Variants in HIVEP2 observed in about 807,000 individuals in gnomAD.
The protein encoded by HIVEP2 is transcription factor HIVEP2.
In HIVEP2, 14 loss-of-function variants were observed where a neutral mutation model predicts 180.7. The ratio of observed to expected loss-of-function variants is 0.08; its 90% CI spans 0.05 to 0.12. The LOEUF is 0.12. Among genes scored for constraint, HIVEP2 ranks in the 10% least tolerant of loss-of-function variants. HIVEP2 has a pLI of 1.00. For missense variants in HIVEP2, 2,579 were observed against 3,008.5 expected (o/e 0.86, Z 3.34); for synonymous variants, 1,184 against 1,136.4 (o/e 1.04, Z -0.84).
At chr6:142,779,390 C>T (rs1775784189) in intron 3 of HIVEP2, among the ~76,000 whole-genome samples, 1 of 152,078 alleles carries the variant, frequency 6.6e-6, no homozygotes, top group Non-Finnish European at 1.5e-5. Flanking sequence ...GAGGTGGAGG[C>T]AGGTGGATCG....
intron 6 of HIVEP2, among the ~76,000 whole-genome samples, chr6:142,765,269 T>C (rs1027485596): frequency 6.6e-6 from 1 of 152,208 alleles, no homozygotes; most frequent in Non-Finnish European, 1.5e-5. Flanking sequence ...ATGACTTATG[T>C]AAACCTCAAA....
intron 2 of HIVEP2, among the ~76,000 whole-genome samples, chr6:142,793,663 C>CTTTCTTTCTTTTTTT (rs1776205005): frequency 1.4e-4 from 15 of 109,462 alleles, no homozygotes; most frequent in East Asian, 3.7e-4. Flanking sequence ...TTTCTTTTTT[C>CTTTCTTTCTTTTTTT]TTTCTTTCTT....
chr6:142,915,209 T>A (rs568772366), intron 1 of HIVEP2, among the ~76,000 whole-genome samples: 2 of 152,156 alleles, frequency 1.3e-5, no homozygotes, highest in Non-Finnish European at 2.9e-5. Context: ...AAAAGAAACA[T>A]TGAAGTTCTA....
chr6:142,915,323 A>T (rs1777523629), intron 1 of HIVEP2, among the ~76,000 whole-genome samples: 1 of 152,192 alleles, frequency 6.6e-6, no homozygotes, highest in Non-Finnish European at 1.5e-5. Flanking sequence ...CTTATCCAAC[A>T]TGACAGAAAT....
At chr6:142,861,573 C>T (rs535360681) in intron 1 of HIVEP2, among the ~76,000 whole-genome samples, 24 of 152,228 alleles carry the variant, frequency 1.6e-4, no homozygotes, top group Admixed American at 1.2e-3. Context: ...TTTTCCCATC[C>T]GACTGTTGGT....
intron 1 of HIVEP2, among the ~76,000 whole-genome samples, chr6:142,895,952 T>C (rs1776978285): frequency 6.6e-6 from 1 of 152,186 alleles, no homozygotes; most frequent in Non-Finnish European, 1.5e-5. Flanking sequence ...AACTACCTTA[T>C]TGAACCAATT....
At chr6:142,795,162 A>C (rs964422130) in intron 2 of HIVEP2, among the ~76,000 whole-genome samples, 30 of 152,226 alleles carry the variant, frequency 2.0e-4, no homozygotes, top group African/African-American at 6.8e-4. Flanking sequence ...CAAGGCAACC[A>C]GAAGTTATTT....
At chr6:142,935,662 C>G (rs1562297850) in intron 1 of HIVEP2, among the ~76,000 whole-genome samples, 2 of 152,116 alleles carry the variant, frequency 1.3e-5, no homozygotes, top group South Asian at 4.2e-4. Context: ...CTCATGGCCC[C>G]CATCTTATAG....
intron 2 of HIVEP2, among the ~76,000 whole-genome samples, chr6:142,787,303 C>T (rs1776025206): frequency 6.6e-6 from 1 of 151,762 alleles, no homozygotes; most frequent in African/African-American, 2.4e-5. Context: ...CTTATAAACT[C>T]AATGGAAAAA....
rs1472438871 is a variant in HIVEP2, at chr6:142,753,065, A to C, written c.*42T>G. On this transcript the variant is annotated 3_prime_UTR_variant, in exon 10 of 10. Coordinates refer to ENST00000367603, the MANE Select transcript of HIVEP2 (RefSeq NM_006734.4). The stretch of plus-strand genomic sequence containing the variant: ...CATTTCTAGAAAAACAAAAACAAAA[A>C]AATGGGAAAATGTGGAAATGAAAGT... The C allele has an allele frequency of 7.8e-7, 1 of 1,284,520 alleles. No homozygotes were observed. Among genetic ancestry groups the C allele is most frequent in the Admixed American group, 1.7e-5 (1 of 57,996 alleles). The allele number at this position is 1,284,520 out of a possible 1,614,324, so 79.6% of individuals were successfully genotyped here.
At chr6:142,787,401 A>T (rs1776027250) in intron 2 of HIVEP2, among the ~76,000 whole-genome samples, 1 of 152,148 alleles carries the variant, frequency 6.6e-6, no homozygotes, top group African/African-American at 2.4e-5. Flanking sequence ...AAGAATGAAC[A>T]CTACTCTTCA....
chr6:142,901,982 T>C (rs75383397), intron 1 of HIVEP2, among the ~76,000 whole-genome samples: 13,640 of 152,184 alleles, frequency 0.09, 961 homozygotes, highest in East Asian at 0.24. Flanking sequence ...TAGAAAATAG[T>C]TTATGAGGAA....
At chr6:142,915,775 A>G (rs1777537325) in intron 1 of HIVEP2, among the ~76,000 whole-genome samples, 1 of 151,550 alleles carries the variant, frequency 6.6e-6, no homozygotes, top group African/African-American at 2.4e-5. Flanking sequence ...ATCCACTACA[A>G]CTCAGACACC....
intron 1 of HIVEP2, among the ~76,000 whole-genome samples, chr6:142,866,030 A>AGAG (rs1159641020): frequency 6.6e-6 from 1 of 152,110 alleles, no homozygotes; most frequent in Non-Finnish European, 1.5e-5. Flanking sequence ...CTAGGCTTTG[A>AGAG]GTTCCTCATT....
At chr6:142,880,989 A>AT (rs923415219) in intron 1 of HIVEP2, among the ~76,000 whole-genome samples, 3 of 152,038 alleles carry the variant, frequency 2.0e-5, no homozygotes, top group South Asian at 4.1e-4. Flanking sequence ...ATGAAATGTC[A>AT]TTTTTTTTCC....
chr6:142,921,513 T>G (rs1777683104), intron 1 of HIVEP2, among the ~76,000 whole-genome samples: 1 of 152,190 alleles, frequency 6.6e-6, no homozygotes, highest in Non-Finnish European at 1.5e-5. Flanking sequence ...CCAGCCTTGG[T>G]CATACAATGA....
In HIVEP2 at chr6:142,773,866, A is replaced by G. The variant is rs1371093238; in HGVS notation, c.873T>C (p.Ala291=). The G allele has an allele frequency of 2.5e-6, 4 of 1,613,628 alleles. No homozygotes were observed. Among genetic ancestry groups the G allele is most frequent in the Admixed American group, 3.3e-5 (2 of 60,026 alleles). Residue 291 remains alanine, a synonymous_variant, in exon 5 of 10, where the codon GCT becomes GCC. Transcript: ENST00000367603. Reference sequence around the variant, plus strand: ...GTGGACCAGGACTCATTTTGTCAGAAGCCTCGGCAAATAAAGAACTCTCCT... The same window carrying G: ...GTGGACCAGGACTCATTTTGTCAGAGGCCTCGGCAAATAAAGAACTCTCCT... The part of the protein sequence containing the change: ...TDEESSLFAE[A]SDKMSPGPPI...
Position 142,760,796 on chromosome 6 carries a change from C to G in HIVEP2, c.5621-129G>C, listed in dbSNP as rs367643760. ...GCCCACAGATAGTTATGTCTGAGAA[C>G]TCCTATAAAATGAGGCACTTACCTG... On this transcript the variant is annotated intron_variant, in intron 8 of 9. Transcript: ENST00000367603. 3.6e-5 allele frequency: 24 copies of G among 668,850 alleles called. No individual in the cohort carries two copies. The African/African-American group carries it at 4.4e-4, about 12-fold the overall frequency. 41.4% of individuals were successfully genotyped at this position (668,850 alleles called of 1,614,324 possible).
intron 2 of HIVEP2, among the ~76,000 whole-genome samples, chr6:142,827,857 T>C (rs1191817552): frequency 2.0e-5 from 3 of 152,176 alleles, no homozygotes; most frequent in Admixed American, 1.3e-4. Context: ...AACCCAAGCA[T>C]AAAGATCTTC....
Sources: allele counts gnomAD v4.1 joint callset (sites outside exome capture counted in the v4.1 genomes callset), GRCh38; gene constraint gnomAD v4.1.1; transcripts MANE v1.5; gene names NCBI Gene and HGNC (gene_info 2026-07-23, HGNC 2026-07-21).